The following MNDA variants were observed in gnomAD, a reference collection of about 807,000 sequenced individuals.
MNDA encodes the protein epididymis secretory sperm binding protein.
Under a neutral mutation model 37.8 loss-of-function variants are expected in MNDA, and 43 were observed. The observed-to-expected ratio is 1.14, with a 90% CI of 0.89 to 1.47. The LOEUF (loss-of-function observed/expected upper bound fraction) is 1.47, where lower values mean the gene tolerates loss of function less well. MNDA is among the 40% of genes most tolerant of loss of function. The probability of loss-of-function intolerance (pLI) is 0.00; values close to 1 mark genes in which losing one functional copy is unlikely to be tolerated. For missense variants in MNDA, 536 were observed against 476.0 expected (o/e 1.13, Z -1.17); for synonymous variants, 181 against 169.0 (o/e 1.07, Z -0.55).
intron 1 of MNDA, among the ~76,000 whole-genome samples, chr1:158,837,144 A>G (rs973777273): frequency 1.3e-5 from 2 of 151,864 alleles, no homozygotes; most frequent in African/African-American, 4.8e-5. Context: ...AATGTTCCAT[A>G]TGTTCGTGTG....
intron 1 of MNDA, among the ~76,000 whole-genome samples, chr1:158,834,959 T>C (rs1658878199): frequency 6.6e-6 from 1 of 152,218 alleles, no homozygotes; most frequent in Non-Finnish European, 1.5e-5. Context: ...CTATCTATCA[T>C]ATTCCATTGT....
intron 1 of MNDA, among the ~76,000 whole-genome samples, chr1:158,832,508 A>G (rs1658823683): frequency 6.6e-6 from 1 of 151,662 alleles, no homozygotes; most frequent in Non-Finnish European, 1.5e-5. Context: ...TTTTACATAG[A>G]ATATGTATAT....
intron 3 of MNDA, 85 bp from the exon 4 acceptor site, chr1:158,843,870 T>A (rs1659079546): frequency 8.3e-7 from 1 of 1,205,172 alleles, no homozygotes; most frequent in African/African-American, 1.5e-5. Context: ...AAATAGAACT[T>A]ACTATGTTGT....
Position 158,833,032 on chromosome 1 carries a change from C to T in MNDA, c.-21+1475C>T, listed in dbSNP as rs574677385. On this transcript the variant is annotated intron_variant, in intron 1 of 6. Coordinates refer to ENST00000368141, the MANE Select transcript of MNDA (RefSeq NM_002432.3). ...AATCTATATTCTCCTTAAAGACAAG[C>T]CCCTTAGCAAACTCTCACATCTTCT... Among the ~76,000 whole-genome samples the T allele has an allele frequency of 2.0e-4, 31 of 152,196 alleles. No individual in the cohort carries two copies. In the South Asian group the frequency reaches 6.2e-3, roughly 31 times the overall value.
chr1:158,847,253 C>T (rs185901800), intron 5 of MNDA, among the ~76,000 whole-genome samples: 28 of 152,112 alleles, frequency 1.8e-4, no homozygotes, highest in African/African-American at 5.1e-4. Flanking sequence ...CAGAATTCAC[C>T]GCCATATAAT....
At chr1:158,842,976 T>C (rs1297963825) in intron 2 of MNDA, among the ~76,000 whole-genome samples, 1 of 152,040 alleles carries the variant, frequency 6.6e-6, no homozygotes, top group East Asian at 1.9e-4. Flanking sequence ...TTAAAAGAAA[T>C]GGTAGGAGAA....
chr1:158,847,097 G>T (rs774734868), intron 5 of MNDA, among the ~76,000 whole-genome samples: 3 of 152,186 alleles, frequency 2.0e-5, no homozygotes, highest in Non-Finnish European at 4.4e-5. Flanking sequence ...GTAAGGAGGA[G>T]CTAAGCTATG....
chr1:158,833,680 G>T (rs1372872574), intron 1 of MNDA, among the ~76,000 whole-genome samples: 1 of 152,058 alleles, frequency 6.6e-6, no homozygotes, highest in East Asian at 1.9e-4. Flanking sequence ...TCCTAGGGTA[G>T]AATAATATTC....
intron 6 of MNDA, among the ~76,000 whole-genome samples, chr1:158,848,472 G>A (rs1484922338): frequency 6.6e-6 from 1 of 152,024 alleles, no homozygotes; most frequent in African/African-American, 2.4e-5. Context: ...AGCGTAATGA[G>A]TTCTGTACAA....
rs773123686 is a variant in MNDA, at chr1:158,847,802, A to G, written c.1062A>G (p.Gly354=). The stretch of plus-strand genomic sequence containing the variant: ...GATCCATGGATGTAGTGGGGAGTGG[A>G]AAATGGCACAATATCAAGTGTGAGA... ...NTGSMDVVGS[G]KWHNIKCEKG... The change falls in exon 6 of 7, where the codon GGA becomes GGG. Residue 354 remains glycine (G), a synonymous_variant. Transcript: ENST00000368141. 1.2e-6 allele frequency: 2 copies of G among 1,614,060 alleles called. No individual in the cohort carries two copies. The highest frequency in any genetic ancestry group is 1.1e-5 in the South Asian group (1 of 91,088).
chr1:158,841,857 A>G (rs1293576973), intron 1 of MNDA, among the ~76,000 whole-genome samples: 1 of 152,200 alleles, frequency 6.6e-6, no homozygotes, highest in Non-Finnish European at 1.5e-5. Context: ...CCCATACTAT[A>G]AATACTGCAA....
At chr1:158,844,473 T>C (rs538676119) in intron 4 of MNDA, among the ~76,000 whole-genome samples, 2 of 150,428 alleles carry the variant, frequency 1.3e-5, no homozygotes, top group South Asian at 4.3e-4. Flanking sequence ...CAGAAAAGTA[T>C]TCTGCTGCAA....
At chr1:158,849,050 A>G (rs890459072) in intron 6 of MNDA, 140 bp from the exon 7 acceptor site, 3 of 491,222 alleles carry the variant, frequency 6.1e-6, no homozygotes, top group Non-Finnish European at 1.1e-5. Context: ...TAACTTTGTG[A>G]CTAACGAGCT....
In MNDA at chr1:158,847,789, T is replaced by C. The variant is rs781216436; in HGVS notation, c.1049T>C (p.Val350Ala). The C allele has an allele frequency of 3.7e-6, 6 of 1,613,962 alleles. No individual in the cohort carries two copies. In the Admixed American group the frequency reaches 6.7e-5, roughly 18 times the overall value. ...EIQDNTGSMD[V>A]VGSGKWHNIK... ...CAGGATAATACAGGATCCATGGATG[T>C]AGTGGGGAGTGGAAAATGGCACAAT... is the stretch of plus-strand genomic sequence containing the variant. Residue 350 changes from valine (V) to alanine (A), a missense_variant, in exon 6 of 7, where the codon GTA (valine) becomes GCA (alanine). Physicochemically the swap from Val to Ala is moderately conservative, Grantham distance 64. Transcript: ENST00000368141.
intron 1 of MNDA, among the ~76,000 whole-genome samples, chr1:158,841,413 T>C (rs1023798493): frequency 6.6e-6 from 1 of 152,196 alleles, no homozygotes; most frequent in Non-Finnish European, 1.5e-5. Flanking sequence ...AGAAACCTTT[T>C]AGTAAAAGTA....
chr1:158,839,332 T>C (rs1476615856), intron 1 of MNDA, among the ~76,000 whole-genome samples: 3 of 152,174 alleles, frequency 2.0e-5, no homozygotes, highest in African/African-American at 7.2e-5. Context: ...TTCTCTCATA[T>C]ACACACTGCT....
chr1:158,841,396 G>C (rs760408445), intron 1 of MNDA, among the ~76,000 whole-genome samples: 1 of 152,192 alleles, frequency 6.6e-6, no homozygotes, highest in Non-Finnish European at 1.5e-5. Context: ...CTACTTGGTT[G>C]TCTGACAGAA....
chr1:158,831,965 A>G, intron 1 of MNDA, among the ~76,000 whole-genome samples: 1 of 152,272 alleles, frequency 6.6e-6, no homozygotes, highest in South Asian at 2.1e-4. Context: ...AATCTCTATT[A>G]TATGATTTTA....
At position 158,847,853 on chromosome 1, in the gene MNDA, C is replaced by T. The variant is rs1371190467; in HGVS notation, c.1113C>T (p.Cys371=). The change falls in exon 6 of 7, where the codon TGC becomes TGT. Residue 371 remains cysteine, a synonymous_variant. Transcript: ENST00000368141. Reference sequence around the variant, plus strand: ...AAGGAGATAAACTTCGACTCTTCTGCCTTCAACTGAGAACAGTTGACCGCA... The same window carrying T: ...AAGGAGATAAACTTCGACTCTTCTGTCTTCAACTGAGAACAGTTGACCGCA... ...CEKGDKLRLF[C]LQLRTVDRKL... The T allele has an allele frequency of 2.5e-6, 4 of 1,613,896 alleles. No homozygotes were observed. The highest frequency in any genetic ancestry group is 2.7e-5 in the African/African-American group (2 of 74,904).
Sources: allele counts gnomAD v4.1 joint callset (sites outside exome capture counted in the v4.1 genomes callset), GRCh38; gene constraint gnomAD v4.1.1; transcripts MANE v1.5; gene names NCBI Gene and HGNC (gene_info 2026-07-23, HGNC 2026-07-21).